The following AGBL4 variants were observed in gnomAD, a reference collection of about 807,000 sequenced individuals.
AGBL4 encodes the protein AGBL carboxypeptidase 4.
AGBL4 carries 58 observed loss-of-function variants against 66.4 expected under a neutral mutation model. The ratio of observed to expected loss-of-function variants is 0.87; its 90% CI spans 0.71 to 1.09. The LOEUF is 1.09. Among genes scored for constraint, AGBL4 ranks in the 50% least tolerant of loss-of-function variants. The pLI is 0.00. For missense variants in AGBL4, 579 were observed against 631.0 expected, an observed-to-expected ratio of 0.92 and a Z score of 0.88; for synonymous variants, 234 against 222.9, an observed-to-expected ratio of 1.05 and a Z score of -0.44.
intron 11 of AGBL4, among the ~76,000 whole-genome samples, chr1:48,541,215 T>G (rs1303038438): frequency 6.6e-6 from 1 of 152,206 alleles, no homozygotes; most frequent in Admixed American, 6.5e-5. Flanking sequence ...AAGAGCTCAA[T>G]TCAGTTGTCA....
At chr1:49,116,275 T>C (rs1225547936) in intron 4 of AGBL4, among the ~76,000 whole-genome samples, 2 of 152,176 alleles carry the variant, frequency 1.3e-5, no homozygotes, top group Non-Finnish European at 2.9e-5. Context: ...AACGTGCAGG[T>C]TTGTTACATA....
chr1:48,747,476 A>G (rs1217497222), intron 6 of AGBL4, among the ~76,000 whole-genome samples: 3 of 152,240 alleles, frequency 2.0e-5, no homozygotes, highest in African/African-American at 7.2e-5. Context: ...GGCACTGGGG[A>G]CCCAGAGACA....
At chr1:49,163,199 C>T (rs1406346617) in intron 4 of AGBL4, among the ~76,000 whole-genome samples, 1 of 152,190 alleles carries the variant, frequency 6.6e-6, no homozygotes, top group African/African-American at 2.4e-5. Context: ...CATTCATTCC[C>T]TTACTCATTC....
At chr1:49,285,981 G>A (rs1329462292) in intron 3 of AGBL4, among the ~76,000 whole-genome samples, 1 of 152,128 alleles carries the variant, frequency 6.6e-6, no homozygotes. Context: ...CGGGCAAAAT[G>A]AATCCAGCAG....
At chr1:48,587,307 G>A (rs1557808756) in intron 10 of AGBL4, 141 bp from the exon 11 acceptor site, 1 of 800,536 alleles carries the variant, frequency 1.2e-6, no homozygotes, top group African/African-American at 1.7e-5. Flanking sequence ...ATTATTATAA[G>A]GACTGATTAA....
At chr1:49,017,058 G>C (rs1005860772) in intron 5 of AGBL4, among the ~76,000 whole-genome samples, 1 of 152,290 alleles carries the variant, frequency 6.6e-6, no homozygotes, top group Middle Eastern at 3.4e-3. Flanking sequence ...TGTAGACATA[G>C]AAGGACAGGA....
At chr1:49,762,721 A>G (rs1652433993) in intron 2 of AGBL4, among the ~76,000 whole-genome samples, 1 of 152,070 alleles carries the variant, frequency 6.6e-6, no homozygotes, top group South Asian at 2.1e-4. Context: ...CGTGTTGCTC[A>G]ATTTTCTTAT....
At chr1:49,977,634 T>C (rs1320322017) in intron 1 of AGBL4, among the ~76,000 whole-genome samples, 3 of 152,242 alleles carry the variant, frequency 2.0e-5, no homozygotes, top group Non-Finnish European at 4.4e-5. Flanking sequence ...CTTCCATCAA[T>C]TGCTTTAAAT....
intron 10 of AGBL4, among the ~76,000 whole-genome samples, chr1:48,589,902 C>T (rs1644885346): frequency 6.6e-6 from 1 of 152,160 alleles, no homozygotes; most frequent in African/African-American, 2.4e-5. Flanking sequence ...AAAGGTCTGA[C>T]ATGTGGTAGG....
intron 2 of AGBL4, among the ~76,000 whole-genome samples, chr1:49,716,583 T>C (rs2124675302): frequency 6.6e-6 from 1 of 152,118 alleles, no homozygotes; most frequent in South Asian, 2.1e-4. Context: ...TCCATCACAA[T>C]CAAGTTGGCT....
At chr1:49,761,446 A>G (rs751148677) in intron 2 of AGBL4, among the ~76,000 whole-genome samples, 7 of 152,180 alleles carry the variant, frequency 4.6e-5, no homozygotes, top group Non-Finnish European at 1.0e-4. Context: ...AATCCAACAC[A>G]TTAAGGAACT....
chr1:49,546,803 CT>C (rs1652526939), intron 3 of AGBL4, among the ~76,000 whole-genome samples: 1 of 152,078 alleles, frequency 6.6e-6, no homozygotes, highest in African/African-American at 2.4e-5. Context: ...ATTTGTATAT[CT>C]TTTTTTGAGA....
At chr1:48,877,213 G>A (rs977693488) in intron 5 of AGBL4, among the ~76,000 whole-genome samples, 1 of 152,154 alleles carries the variant, frequency 6.6e-6, no homozygotes, top group Non-Finnish European at 1.5e-5. Flanking sequence ...ACTTGTCAAA[G>A]AAAGCAAGGT....
At chr1:49,957,414 T>C (rs1656707570) in intron 1 of AGBL4, among the ~76,000 whole-genome samples, 1 of 151,944 alleles carries the variant, frequency 6.6e-6, no homozygotes, top group Non-Finnish European at 1.5e-5. Context: ...TGGGTATCCT[T>C]GTTAACTTTC....
intron 5 of AGBL4, among the ~76,000 whole-genome samples, chr1:48,991,287 C>A (rs1367656895): frequency 6.6e-6 from 1 of 152,090 alleles, no homozygotes; most frequent in African/African-American, 2.4e-5. Flanking sequence ...TTTCCTTCAG[C>A]ACTTTAAATG....
chr1:49,193,750 G>T (rs187766619), intron 4 of AGBL4, among the ~76,000 whole-genome samples: 6 of 151,882 alleles, frequency 4.0e-5, no homozygotes, highest in Middle Eastern at 3.4e-3. Flanking sequence ...AGCCATGATG[G>T]TCTCAATCTC....
chr1:49,534,222 A>G (rs2148817126), intron 3 of AGBL4, among the ~76,000 whole-genome samples: 1 of 152,010 alleles, frequency 6.6e-6, no homozygotes, highest in Admixed American at 6.6e-5. Flanking sequence ...TGGGCACAGA[A>G]TACAAGTCAA....
At chr1:49,122,922 C>T (rs1026783397) in intron 4 of AGBL4, among the ~76,000 whole-genome samples, 76 of 152,178 alleles carry the variant, frequency 5.0e-4, no homozygotes, top group African/African-American at 1.6e-3. Context: ...GGTGCGATCT[C>T]GGCTCACTGC....
intron 5 of AGBL4, among the ~76,000 whole-genome samples, chr1:49,006,252 A>T (rs1400701333): frequency 6.6e-6 from 1 of 152,042 alleles, no homozygotes; most frequent in East Asian, 1.9e-4. Context: ...TCCTAGTCAA[A>T]GAAAGGGGTG....
Sources: allele counts gnomAD v4.1 joint callset (sites outside exome capture counted in the v4.1 genomes callset), GRCh38; gene constraint gnomAD v4.1.1; transcripts MANE v1.5; gene names NCBI Gene and HGNC (gene_info 2026-07-23, HGNC 2026-07-21).